The following RCBTB2 variants were observed in gnomAD, a reference collection of about 807,000 sequenced individuals.
RCBTB2 encodes the protein RCC1 and BTB domain-containing protein 2.
Under a neutral mutation model 65.4 loss-of-function variants are expected in RCBTB2, and 55 were observed. The observed-to-expected ratio is 0.84, with a 90% CI of 0.68 to 1.05. The LOEUF (loss-of-function observed/expected upper bound fraction) is 1.05. RCBTB2 is among the 50% of genes least tolerant of loss of function. The pLI is 0.00. For missense variants in RCBTB2, 599 were observed against 680.1 expected (o/e 0.88, Z 1.33); for synonymous variants, 220 against 255.2 (o/e 0.86, Z 1.31).
rs759699400 is a variant in RCBTB2 at position 48,501,857 on chromosome 13, G to A, written c.1129C>T (p.His377Tyr). 3 of 1,613,622 alleles carry A rather than the reference G, an allele frequency of 1.9e-6. No homozygotes were observed. The African/African-American group carries it at 4.0e-5, about 22-fold the overall frequency. Residue 377 changes from histidine to tyrosine, a missense_variant, in exon 12 of 15, where the codon CAC becomes TAC. By Grantham distance (83) the His-to-Tyr change is moderately conservative. Coordinates refer to ENST00000344532, the MANE Select transcript of RCBTB2 (RefSeq NM_001268.4). ...WRLLSVEPDD[H>Y]LTVAESLKRE... Reference sequence around the variant, plus strand: ...TTCAGTGACTCAGCCACTGTGAGGTGGTCATCAGGTTCTAGGAGAATAATG... The same window carrying A: ...TTCAGTGACTCAGCCACTGTGAGGTAGTCATCAGGTTCTAGGAGAATAATG...
intron 4 of RCBTB2, among the ~76,000 whole-genome samples, chr13:48,516,766 A>G (rs1951114171): frequency 6.6e-6 from 1 of 152,216 alleles, no homozygotes; most frequent in Non-Finnish European, 1.5e-5. Flanking sequence ...CCACACTCCT[A>G]TAAGAGGAAG....
chr13:48,504,936 C>A (rs565218599), intron 10 of RCBTB2, among the ~76,000 whole-genome samples: 1 of 152,184 alleles, frequency 6.6e-6, no homozygotes, highest in South Asian at 2.1e-4. Context: ...TTATGAGGAT[C>A]GTTCTTAGCC....
At chr13:48,529,258 A>C (rs1242258509) in intron 1 of RCBTB2, among the ~76,000 whole-genome samples, 2 of 152,182 alleles carry the variant, frequency 1.3e-5, no homozygotes, top group Non-Finnish European at 2.9e-5. Context: ...TTTTCAAAAA[A>C]AAATCTTAAC....
At position 48,501,785 on chromosome 13, in the gene RCBTB2, C is replaced by T. The variant is rs768758613; in HGVS notation, c.1201G>A (p.Asp401Asn). 3 of 1,613,010 alleles carry T rather than the reference C, an allele frequency of 1.9e-6. No individual in the cohort carries two copies. Among genetic ancestry groups the T allele is most frequent in the Non-Finnish European group, 2.5e-6 (3 of 1,178,956 alleles). The change falls in exon 12 of 15, where the codon GAT (aspartate) becomes AAT (asparagine). Residue 401 changes from aspartate to asparagine, a missense_variant. Transcript: ENST00000344532. ...PDTADLKFLV[D>N]GKYIYAHKVL... ...TTATGTGCATAAATGTACTTTCCAT[C>T]AACTAGAAACTTCAGGTCTGCAGTG...
At chr13:48,510,889 G>A (rs866507343) in intron 9 of RCBTB2, 118 bp from the exon 10 acceptor site, 45 of 1,002,664 alleles carry the variant, frequency 4.5e-5, no homozygotes, top group Admixed American at 3.3e-4. Context: ...ACCCGTAGGA[G>A]AGGCAAGCAT....
intron 13 of RCBTB2, among the ~76,000 whole-genome samples, chr13:48,498,870 T>C (rs1950094741): frequency 6.6e-6 from 1 of 152,102 alleles, no homozygotes; most frequent in South Asian, 2.1e-4. Flanking sequence ...AGTACCTCAG[T>C]GCAGCCATCC....
intron 4 of RCBTB2, among the ~76,000 whole-genome samples, chr13:48,520,753 T>C (rs1051566207): frequency 1.3e-5 from 2 of 152,198 alleles, no homozygotes; most frequent in African/African-American, 4.8e-5. Flanking sequence ...CTTCACTTAA[T>C]TACAGACAGC....
At position 48,527,337 on chromosome 13, in the gene RCBTB2, G is replaced by GATATATATATATATATCAT. The variant is rs1174299074; in HGVS notation, c.-218-2581_-218-2580insATGATATATATATATATAT. On this transcript the variant is annotated intron_variant, in intron 1 of 14. Transcript: ENST00000344532. ...ACTTGGCTCATATATATATATATATGATATATATATATATGATATATATTT... is the reference window on the plus strand; with the variant it reads ...ACTTGGCTCATATATATATATATATGATATATATATATATATCATATATATATATATATGATATATATTT... 4.3e-4 allele frequency among the ~76,000 whole-genome samples: 48 copies of GATATATATATATATATCAT among 112,154 alleles called. 1 individual carries two copies. Among genetic ancestry groups the GATATATATATATATATCAT allele is most frequent in the African/African-American group, 2.9e-3 (45 of 15,444 alleles). 73.6% of individuals were successfully genotyped at this position (112,154 alleles called of 152,430 possible). A position where few individuals can be genotyped will look rare whatever the true frequency, so the allele number is the denominator to read the frequency against.
intron 4 of RCBTB2, among the ~76,000 whole-genome samples, chr13:48,521,000 T>G (rs1477961119): frequency 6.6e-6 from 1 of 152,140 alleles, no homozygotes; most frequent in African/African-American, 2.4e-5. Flanking sequence ...GTATATATAT[T>G]TGTATATGTT....
intron 2 of RCBTB2, among the ~76,000 whole-genome samples, chr13:48,522,818 T>C (rs190281687): frequency 6.6e-6 from 1 of 152,316 alleles, no homozygotes; most frequent in East Asian, 1.9e-4. Context: ...GAACATTTTA[T>C]CTGGTATTTT....
In RCBTB2 at chr13:48,489,554, A is replaced by G; in HGVS notation, c.*557T>C. The G allele has an allele frequency of 6.6e-6, 1 of 152,318 alleles. No individual in the cohort carries two copies. The highest frequency in any genetic ancestry group is 1.9e-4 in the East Asian group (1 of 5,210). 9.4% of individuals were successfully genotyped at this position (152,318 alleles called of 1,614,324 possible). ...ATTAGCCACAATTTCTCAGAATGAT[A>G]TACCAGAAGAATATGAACCTCAATA... On this transcript the variant is annotated 3_prime_UTR_variant, in exon 15 of 15. Transcript: ENST00000344532.
chr13:48,507,360 G>A (rs1045220243), intron 10 of RCBTB2, among the ~76,000 whole-genome samples: 5 of 152,216 alleles, frequency 3.3e-5, no homozygotes, highest in Admixed American at 1.3e-4. Flanking sequence ...AGCAAACACC[G>A]ACGTTCCAAT....
At chr13:48,494,059 G>A (rs1019521537) in intron 14 of RCBTB2, among the ~76,000 whole-genome samples, 34 of 152,264 alleles carry the variant, frequency 2.2e-4, no homozygotes, top group African/African-American at 8.2e-4. Context: ...TCCCAGTTTT[G>A]CAGTTTACTA....
At position 48,533,045 on chromosome 13, in the gene RCBTB2, C is replaced by G. The variant is rs1348433285; in HGVS notation, c.-236G>C. The G allele has an allele frequency of 4.4e-6, 2 of 454,652 alleles. No individual in the cohort carries two copies. The highest frequency in any genetic ancestry group is 8.8e-6 in the Non-Finnish European group (2 of 226,196). The allele number at this position is 454,652 out of a possible 1,614,324, so 28.2% of individuals were successfully genotyped here. On this transcript the variant is annotated 5_prime_UTR_variant, in exon 1 of 15. Transcript: ENST00000344532. ...CCTCTTACCTCCTCGCAGGCCGGAG[C>G]CTTGTCCGCTCCGCCTCCTGGGTAG... is the stretch of plus-strand genomic sequence containing the variant.
At chr13:48,498,222 A>G (rs1457684546) in intron 13 of RCBTB2, among the ~76,000 whole-genome samples, 1 of 152,250 alleles carries the variant, frequency 6.6e-6, no homozygotes, top group Admixed American at 6.5e-5. Context: ...TTCTGGCACA[A>G]GAAGTCCTGC....
At chr13:48,520,738 C>T (rs921381322) in intron 4 of RCBTB2, among the ~76,000 whole-genome samples, 10 of 152,100 alleles carry the variant, frequency 6.6e-5, no homozygotes, top group Admixed American at 6.5e-5. Context: ...GAGTGTATAA[C>T]CAAACTTCAC....
At chr13:48,517,360 AT>A (rs1951150124) in intron 4 of RCBTB2, among the ~76,000 whole-genome samples, 1 of 152,134 alleles carries the variant, frequency 6.6e-6, no homozygotes, top group Admixed American at 6.5e-5. Flanking sequence ...CCTCCTTTCC[AT>A]CTCATCCTCT....
Position 48,502,898 on chromosome 13 carries a change from C to T in RCBTB2, c.943G>A (p.Ala315Thr). The T allele has an allele frequency of 6.2e-7, 1 of 1,612,282 alleles. No individual in the cohort carries two copies. ...VEKDRIIEIA[A>T]CHSTHTSAAK... Reference sequence around the variant, plus strand: ...GCAGACGTGTGTGTGGAGTGACAGGCTGCAATCTCGATAATCCTAAATTCA... The same window carrying T: ...GCAGACGTGTGTGTGGAGTGACAGGTTGCAATCTCGATAATCCTAAATTCA... The change falls in exon 11 of 15, where the codon GCC (alanine) becomes ACC (threonine). Residue 315 changes from alanine to threonine, a missense_variant. Ala to Thr is a moderately conservative substitution (Grantham distance 58). Transcript: ENST00000344532.
chr13:48,521,586 T>C (rs761868318), intron 4 of RCBTB2, among the ~76,000 whole-genome samples: 92 of 152,194 alleles, frequency 6.0e-4, no homozygotes, highest in Non-Finnish European at 1.0e-3. Context: ...GGGATAAACA[T>C]TGATCAACTC....
Sources: allele counts gnomAD v4.1 joint callset (sites outside exome capture counted in the v4.1 genomes callset), GRCh38; gene constraint gnomAD v4.1.1; transcripts MANE v1.5; gene names NCBI Gene and HGNC (gene_info 2026-07-23, HGNC 2026-07-21).